Variants in USP43 observed in about 807,000 individuals in gnomAD.
USP43 encodes the protein ubiquitin carboxyl-terminal hydrolase 43.
In USP43, 33 loss-of-function variants were observed where a neutral mutation model predicts 90.7. The ratio of observed to expected loss-of-function variants is 0.36; its 90% CI spans 0.28 to 0.49. The LOEUF (loss-of-function observed/expected upper bound fraction) is 0.49. USP43 is among the 20% of genes least tolerant of loss of function. USP43 has a pLI of 0.98. For synonymous variants in USP43, 598 were observed against 615.8 expected (o/e 0.97, Z 0.43); for missense variants, 1,274 against 1,476.4 (o/e 0.86, Z 2.25).
intron 2 of USP43, among the ~76,000 whole-genome samples, chr17:9,665,095 G>A (rs1290638103): frequency 6.6e-6 from 1 of 152,128 alleles, no homozygotes; most frequent in Non-Finnish European, 1.5e-5. Flanking sequence ...GGTAGGGAAT[G>A]GGCAGGGGGT....
At chr17:9,666,815 C>A in intron 3 of USP43, 64 bp downstream of exon 3, 1 of 1,301,712 alleles carries the variant, frequency 7.7e-7, no homozygotes, top group Non-Finnish European at 1.1e-6. Context: ...TCCTGGTAAC[C>A]AGTCTCCCAT....
chr17:9,727,862 C>T, intron 14 of USP43, 92 bp from the exon 15 acceptor site: 1 of 1,407,510 alleles, frequency 7.1e-7, no homozygotes, highest in African/African-American at 1.4e-5. Context: ...AGCACAGTGC[C>T]TCCCACATCA....
intron 12 of USP43, among the ~76,000 whole-genome samples, chr17:9,705,352 G>C (rs1915809852): frequency 6.8e-6 from 1 of 147,352 alleles, no homozygotes; most frequent in South Asian, 2.1e-4. Flanking sequence ...CTCATTTCTA[G>C]ACAGCTTCTC....
chr17:9,726,931 G>A (rs1408459736), intron 14 of USP43, among the ~76,000 whole-genome samples: 1 of 152,058 alleles, frequency 6.6e-6, no homozygotes, highest in East Asian at 1.9e-4. Flanking sequence ...GTAAAACAAG[G>A]CATTTTAATG....
Position 9,709,641 on chromosome 17 carries a change from G to A in USP43, c.2012-315G>A, listed in dbSNP as rs1048302712. Among the ~76,000 whole-genome samples the A allele has an allele frequency of 6.6e-6, 1 of 152,010 alleles. No homozygotes were observed. The highest frequency in any genetic ancestry group is 6.6e-5 in the Admixed American group (1 of 15,230). ...TGAGGCAGGAGAATCACTGGAACCC[G>A]GGGGGTGGAGGTTGCCGTGAGCCGA... On this transcript the variant is annotated intron_variant, in intron 12 of 14. Transcript: ENST00000285199. This position sits in a 1 kb window ranked among gnomAD's most constrained non-coding sequence, Gnocchi z 5.0.
chr17:9,709,893 G>A lies in USP43; in HGVS notation c.2012-63G>A, dbSNP rs1482045009. On this transcript the variant is annotated intron_variant, in intron 12 of 14. Transcript: ENST00000285199. This position sits in a 1 kb window ranked among gnomAD's most constrained non-coding sequence, Gnocchi z 5.0. ...ATACCGCTTTTTCAGCTATGCCAGT[G>A]GGAAATGTCTTCCTACCTTTTGGGG... 2 of 1,355,218 alleles carry A rather than the reference G, an allele frequency of 1.5e-6. No homozygotes were observed. Among genetic ancestry groups the A allele is most frequent in the Non-Finnish European group, 1.9e-6 (2 of 1,044,288 alleles). The allele number at this position is 1,355,218 out of a possible 1,614,324, so 83.9% of individuals were successfully genotyped here. A position where few individuals can be genotyped will look rare whatever the true frequency, so the allele number is the denominator to read the frequency against.
At chr17:9,711,542 C>T (rs1916197154) in intron 13 of USP43, among the ~76,000 whole-genome samples, 1 of 152,148 alleles carries the variant, frequency 6.6e-6, no homozygotes, top group Non-Finnish European at 1.5e-5. Context: ...AATTCTCCTG[C>T]CTCAGCCTCC....
At chr17:9,658,955 C>T (rs1316522190) in intron 2 of USP43, among the ~76,000 whole-genome samples, 1 of 152,082 alleles carries the variant, frequency 6.6e-6, no homozygotes, top group African/African-American at 2.4e-5. Context: ...GGGAAGAGTC[C>T]GATTGTCTCA....
At chr17:9,714,401 G>C (rs9896200) in intron 14 of USP43, among the ~76,000 whole-genome samples, 30,524 of 151,960 alleles carry the variant, frequency 0.2, 3,400 homozygotes, top group African/African-American at 0.3. Flanking sequence ...AAGAATGAAG[G>C]CCGGGCACAG....
intron 8 of USP43, among the ~76,000 whole-genome samples, chr17:9,689,249 C>G (rs1034040631): frequency 5.9e-5 from 9 of 152,056 alleles, no homozygotes; most frequent in African/African-American, 1.7e-4. Context: ...ATTCAGGAGT[C>G]TCAACATTGA....
At chr17:9,648,778 G>C (rs1006295744) in intron 1 of USP43, among the ~76,000 whole-genome samples, 2 of 152,102 alleles carry the variant, frequency 1.3e-5, no homozygotes, top group Admixed American at 1.3e-4. Flanking sequence ...GGGAGGAAAG[G>C]CTGGAGAATT....
intron 14 of USP43, among the ~76,000 whole-genome samples, chr17:9,715,773 CTATG>C (rs1158183781): frequency 8.1e-6 from 1 of 124,200 alleles, no homozygotes; most frequent in African/African-American, 2.9e-5. Flanking sequence ...GTGTTTGTGT[CTATG>C]TGTGTGTCTC....
chr17:9,707,422 G>A (rs1488183960), intron 12 of USP43, among the ~76,000 whole-genome samples: 4 of 152,070 alleles, frequency 2.6e-5, no homozygotes, highest in South Asian at 2.1e-4. Flanking sequence ...CGAGGTGGGC[G>A]GACCACGAGG....
rs148142013 is a variant in USP43, at chr17:9,660,392, G to C, written c.636+3858G>C. On this transcript the variant is annotated intron_variant, in intron 2 of 14. Coordinates refer to ENST00000285199, the MANE Select transcript of USP43 (RefSeq NM_153210.5). ...CCTCGAACTCCTGACCTCGTGATCC[G>C]CCTGCCTTGGCCTCCCAAAGTGCTG... Among the ~76,000 whole-genome samples, 571 of 152,154 alleles carry C rather than the reference G, an allele frequency of 3.8e-3. 5 individuals are homozygous for C. Among genetic ancestry groups the C allele is most frequent in the African/African-American group, 0.013 (542 of 41,498 alleles).
Position 9,729,110 on chromosome 17 carries a change from A to G in USP43, c.*120A>G. On this transcript the variant is annotated 3_prime_UTR_variant, in exon 15 of 15. Coordinates refer to ENST00000285199, the MANE Select transcript of USP43 (RefSeq NM_153210.5). The stretch of plus-strand genomic sequence containing the variant: ...GTTGTCTTGTAATCTCTAAAAAAAA[A>G]TTTTTTTTTTTTTGTGGTGGGGGGT... 2 of 827,962 alleles carry G rather than the reference A, an allele frequency of 2.4e-6. No homozygotes were observed. The highest frequency in any genetic ancestry group is 1.6e-6 in the Non-Finnish European group (1 of 611,382). The allele number at this position is 827,962 out of a possible 1,614,324, so 51.3% of individuals were successfully genotyped here.
At chr17:9,661,647 C>T (rs112407322) in intron 2 of USP43, among the ~76,000 whole-genome samples, 2,460 of 152,108 alleles carry the variant, frequency 0.016, 67 homozygotes, top group African/African-American at 0.054. Context: ...TGTGAGCCAC[C>T]GTGCAGGTCA....
chr17:9,688,999 T>A (rs2151980575), intron 8 of USP43, among the ~76,000 whole-genome samples: 1 of 152,200 alleles, frequency 6.6e-6, no homozygotes. Flanking sequence ...CAATTTCAAT[T>A]TTAGAAATGG....
chr17:9,729,434 T>C lies in USP43; in HGVS notation c.*444T>C, dbSNP rs1160491308. ...AAAAATATTTTATTTTTAATGCTTT[T>C]CTGGGATAAGCATTAAAGATGCCAA... On this transcript the variant is annotated 3_prime_UTR_variant, in exon 15 of 15. Transcript: ENST00000285199. 1 of 150,786 alleles carries C rather than the reference T, an allele frequency of 6.6e-6. No homozygotes were observed. The allele number at this position is 150,786 out of a possible 1,614,324, so 9.3% of individuals were successfully genotyped here. A position where few individuals can be genotyped will look rare whatever the true frequency, so the allele number is the denominator to read the frequency against.
chr17:9,671,614 A>C (rs1773393856), intron 3 of USP43, among the ~76,000 whole-genome samples: 1 of 152,196 alleles, frequency 6.6e-6, no homozygotes. Context: ...TTTTAATAGC[A>C]CTGACGGGAT....
Sources: allele counts gnomAD v4.1 joint callset (sites outside exome capture counted in the v4.1 genomes callset), GRCh38; gene constraint gnomAD v4.1.1; non-coding constraint Gnocchi (gnomAD v3.1); transcripts MANE v1.5; gene names NCBI Gene and HGNC (gene_info 2026-07-23, HGNC 2026-07-21).